The following LNX1 variants were observed in gnomAD, a reference collection of about 807,000 sequenced individuals.
LNX1 encodes ligand of numb-protein X 1.
Under a neutral mutation model 68.4 loss-of-function variants are expected in LNX1, and 54 were observed. That is an observed-to-expected ratio of 0.79 (90% confidence interval 0.63 to 0.99). The LOEUF (loss-of-function observed/expected upper bound fraction) is 0.99, where lower values mean the gene tolerates loss of function less well. Among genes scored for constraint, LNX1 ranks in the 50% least tolerant of loss-of-function variants. LNX1 has a pLI of 0.00. For synonymous variants in LNX1, 336 were observed against 350.0 expected (o/e 0.96, Z 0.45); for missense variants, 906 against 926.4 (o/e 0.98, Z 0.29).
chr4:53,540,904 A>G lies in LNX1; in HGVS notation c.381-32677T>C, dbSNP rs1375180477. 2.6e-5 allele frequency among the ~76,000 whole-genome samples: 4 copies of G among 152,104 alleles called. No individual in the cohort carries two copies. In the South Asian group the frequency reaches 6.2e-4, roughly 24 times the overall value. On this transcript the variant is annotated intron_variant, in intron 2 of 10. Transcript: ENST00000263925. ...GTAATCCCAGCACTTTGGGAGGCTG[A>G]GACGGGCGGATCACTTGAGGTCAGG...
chr4:53,469,015 A>G (rs1047094436), intron 9 of LNX1, among the ~76,000 whole-genome samples: 93 of 152,348 alleles, frequency 6.1e-4, no homozygotes, highest in African/African-American at 2.1e-3. Flanking sequence ...GGAACTCTCC[A>G]CCCTAAATCA....
intron 2 of LNX1, 66 bp downstream of exon 2, chr4:53,573,557 G>C: frequency 9.2e-7 from 1 of 1,087,174 alleles, no homozygotes. Flanking sequence ...AGGAGACTGG[G>C]GGGTGGAGGG....
intron 2 of LNX1, among the ~76,000 whole-genome samples, chr4:53,521,087 C>T (rs1351642322): frequency 6.6e-6 from 1 of 152,138 alleles, no homozygotes; most frequent in African/African-American, 2.4e-5. Flanking sequence ...TCAGGACTGA[C>T]TAGGAAGTGT....
intron 1 of LNX1, among the ~76,000 whole-genome samples, chr4:53,576,861 C>T (rs1372941786): frequency 6.6e-6 from 1 of 152,172 alleles, no homozygotes; most frequent in East Asian, 1.9e-4. Context: ...CAAACATAGC[C>T]TTATCTCAAA....
At position 53,459,987 on chromosome 4, in the gene LNX1, C is replaced by T. The variant is rs550806037; in HGVS notation, c.*920G>A. ...TCTAAATTTGGGTTCCTGGTGAAAC[C>T]AAATGGGGTACACTTTCATATCCAA... is the stretch of plus-strand genomic sequence containing the variant. On this transcript the variant is annotated 3_prime_UTR_variant, in exon 11 of 11. Coordinates refer to ENST00000263925, the MANE Select transcript of LNX1 (RefSeq NM_001126328.3). 256 of 213,064 alleles carry T rather than the reference C, an allele frequency of 1.2e-3. 2 individuals are homozygous for T. The highest frequency in any genetic ancestry group is 5.7e-3 in the African/African-American group (251 of 44,174). 13.2% of individuals were successfully genotyped at this position (213,064 alleles called of 1,614,324 possible).
At chr4:53,473,836 GAA>G (rs1358986076) in intron 9 of LNX1, among the ~76,000 whole-genome samples, 2 of 151,710 alleles carry the variant, frequency 1.3e-5, no homozygotes, top group Non-Finnish European at 2.9e-5. Context: ...GCAAAATGGA[GAA>G]AAAAGAGTTG....
At chr4:53,602,675 A>ATG (rs1733065355) in intron 2 of LNX1, among the ~76,000 whole-genome samples, 1 of 152,156 alleles carries the variant, frequency 6.6e-6, no homozygotes, top group Non-Finnish European at 1.5e-5. Flanking sequence ...AGTCCACAGG[A>ATG]CCCAAGTCAA....
chr4:53,470,098 T>C (rs1356706909), intron 9 of LNX1, among the ~76,000 whole-genome samples: 4 of 152,158 alleles, frequency 2.6e-5, no homozygotes, highest in East Asian at 1.9e-4. Context: ...CTCAGTAAAA[T>C]ACTGGCAAAC....
chr4:53,494,717 T>A (rs1470482560), intron 6 of LNX1, among the ~76,000 whole-genome samples: 2 of 152,236 alleles, frequency 1.3e-5, no homozygotes, highest in African/African-American at 4.8e-5. Flanking sequence ...AATTTCTGCA[T>A]CTAACCCAGG....
intron 1 of LNX1, among the ~76,000 whole-genome samples, chr4:53,647,981 G>A (rs1007346742): frequency 6.6e-6 from 1 of 152,198 alleles, no homozygotes; most frequent in Admixed American, 6.5e-5. Flanking sequence ...CATTGTATGT[G>A]TATACTACAT....
Position 53,481,681 on chromosome 4 carries a change from C to T in LNX1, c.1485+39G>A, listed in dbSNP as rs748558715. The T allele has an allele frequency of 2.5e-5, 40 of 1,595,444 alleles. No individual in the cohort carries two copies. The South Asian group carries it at 4.0e-4, about 16-fold the overall frequency. On this transcript the variant is annotated intron_variant, in intron 7 of 10. Transcript: ENST00000263925. ...AACAAGCAGCCTTCCCAAGAAATAG[C>T]CCCTTGCAGGAGCAGGCGACCTGCC...
intron 2 of LNX1, among the ~76,000 whole-genome samples, chr4:53,557,481 G>C (rs985614686): frequency 1.6e-4 from 25 of 151,940 alleles, no homozygotes; most frequent in Admixed American, 1.4e-3. Flanking sequence ...TCAATAAAGG[G>C]ACGATGCCTG....
At chr4:53,645,288 C>A (rs1734845449) in intron 1 of LNX1, among the ~76,000 whole-genome samples, 1 of 152,164 alleles carries the variant, frequency 6.6e-6, no homozygotes, top group South Asian at 2.1e-4. Context: ...AGAAGACAGG[C>A]TAGATTTCCT....
chr4:53,519,045 A>T (rs1727010298), intron 2 of LNX1, among the ~76,000 whole-genome samples: 2 of 152,284 alleles, frequency 1.3e-5, no homozygotes, highest in African/African-American at 4.8e-5. Context: ...GCCATTTATC[A>T]TTGCTGCATG....
intron 2 of LNX1, among the ~76,000 whole-genome samples, chr4:53,604,223 C>T (rs1419059235): frequency 6.6e-6 from 1 of 152,074 alleles, no homozygotes; most frequent in East Asian, 1.9e-4. Flanking sequence ...CCCTGCTGCC[C>T]CACTAGAAAT....
intron 1 of LNX1, among the ~76,000 whole-genome samples, chr4:53,582,709 GT>G (rs968728369): frequency 1.3e-5 from 2 of 151,520 alleles, no homozygotes; most frequent in African/African-American, 4.9e-5. Flanking sequence ...AAGATTTTTT[GT>G]TTTTTTGTTT....
chr4:53,578,471 C>A (rs1465334941), intron 1 of LNX1, among the ~76,000 whole-genome samples: 2 of 152,150 alleles, frequency 1.3e-5, no homozygotes, highest in African/African-American at 2.4e-5. Flanking sequence ...ATTTATATAT[C>A]TAAACATAGA....
rs1388863541 is a variant in LNX1, at chr4:53,527,250, C to G, written c.381-19023G>C. Among the ~76,000 whole-genome samples, 4 of 152,142 alleles carry G rather than the reference C, an allele frequency of 2.6e-5. No homozygotes were observed. In the East Asian group the frequency reaches 7.7e-4, roughly 29 times the overall value. On this transcript the variant is annotated intron_variant, in intron 2 of 10. Transcript: ENST00000263925. ...AGATATTGTTTTATTTCTACATGTT[C>G]AGTGAACTAGCAGATTCAAGGTGTA...
At position 53,459,921 on chromosome 4, in the gene LNX1, T is replaced by C. The variant is rs112778100; in HGVS notation, c.*986A>G. 5.0e-3 allele frequency: 1,090 copies of C among 219,370 alleles called. 12 individuals carry two copies. Among genetic ancestry groups the C allele is most frequent in the African/African-American group, 0.023 (1,027 of 44,702 alleles). The allele number at this position is 219,370 out of a possible 1,614,324, so 13.6% of individuals were successfully genotyped here. A position where few individuals can be genotyped will look rare whatever the true frequency, so the allele number is the denominator to read the frequency against. ...CTTGCTTAGTATATTAAGAGACTCA[T>C]ACATTTTTGATATCACAACTTTTTG... On this transcript the variant is annotated 3_prime_UTR_variant, in exon 11 of 11. Transcript: ENST00000263925.
Sources: allele counts gnomAD v4.1 joint callset (sites outside exome capture counted in the v4.1 genomes callset), GRCh38; gene constraint gnomAD v4.1.1; transcripts MANE v1.5; gene names NCBI Gene and HGNC (gene_info 2026-07-23, HGNC 2026-07-21).